UBR1: variants seen among roughly 807,000 people sequenced by gnomAD.
UBR1 encodes ubiquitin protein ligase E3 component n-recognin 1.
In UBR1, 102 loss-of-function variants were observed where a neutral mutation model predicts 242.1. That is an observed-to-expected ratio of 0.42 (90% CI 0.36 to 0.50). UBR1 has a LOEUF of 0.50. Ranked by LOEUF, UBR1 falls within the 20% of genes least tolerant of loss-of-function variation. The pLI, the probability that UBR1 is intolerant of heterozygous loss-of-function variation, is 0.01. For missense variants in UBR1, 1,772 were observed against 2,101.8 expected (o/e 0.84, Z 3.07); for synonymous variants, 675 against 684.8 (o/e 0.99, Z 0.22).
chr15:43,020,925 A>G (rs2033101777), intron 27 of UBR1, among the ~76,000 whole-genome samples: 1 of 152,134 alleles, frequency 6.6e-6, no homozygotes, highest in Non-Finnish European at 1.5e-5. Flanking sequence ...AATTACCCTG[A>G]TATTTTTGTT....
intron 1 of UBR1, among the ~76,000 whole-genome samples, chr15:43,089,188 T>C (rs186208562): frequency 7.9e-5 from 11 of 138,968 alleles, no homozygotes; most frequent in African/African-American, 3.0e-4. Flanking sequence ...CATGAGATAA[T>C]ACGCCCATTT....
intron 12 of UBR1, among the ~76,000 whole-genome samples, 158 bp from the exon 13 acceptor site, chr15:43,048,649 C>T (rs774088827): frequency 1.1e-4 from 16 of 152,070 alleles, no homozygotes; most frequent in Non-Finnish European, 1.6e-4. Flanking sequence ...TTTATTCTGC[C>T]TTATTTTAAA....
intron 12 of UBR1, among the ~76,000 whole-genome samples, chr15:43,048,830 C>T (rs962599621): frequency 1.3e-5 from 2 of 152,178 alleles, no homozygotes; most frequent in African/African-American, 4.8e-5. Context: ...TGTTCACACC[C>T]ATCAGCCAAA....
intron 42 of UBR1, among the ~76,000 whole-genome samples, chr15:42,963,168 G>A (rs1375200545): frequency 1.3e-5 from 2 of 152,052 alleles, no homozygotes; most frequent in Non-Finnish European, 2.9e-5. Context: ...TATTTCGAGA[G>A]AAATGAGGAA....
At chr15:42,974,543 T>C (rs1247315511) in intron 39 of UBR1, among the ~76,000 whole-genome samples, 1 of 152,228 alleles carries the variant, frequency 6.6e-6, no homozygotes, top group Non-Finnish European at 1.5e-5. Context: ...GAGCTGGCTA[T>C]TCTAGGACTT....
At chr15:43,012,206 G>A (rs1385030063) in intron 29 of UBR1, among the ~76,000 whole-genome samples, 9 of 148,446 alleles carry the variant, frequency 6.1e-5, no homozygotes, top group Non-Finnish European at 1.3e-4. Context: ...CAGCCTGGGC[G>A]ACAGAGTGAG....
At chr15:43,001,022 T>C (rs908142872) in intron 32 of UBR1, among the ~76,000 whole-genome samples, 1 of 152,072 alleles carries the variant, frequency 6.6e-6, no homozygotes, top group African/African-American at 2.4e-5. Context: ...TTAGTAGAGA[T>C]GGGTTTTTGC....
chr15:42,954,283 T>G (rs1669494661), intron 44 of UBR1, among the ~76,000 whole-genome samples: 1 of 152,170 alleles, frequency 6.6e-6, no homozygotes, highest in South Asian at 2.1e-4. Context: ...AATTTAGAGA[T>G]GGATGCAATC....
intron 23 of UBR1, chr15:43,025,841 C>T (rs940001245): frequency 5.8e-6 from 1 of 172,644 alleles, no homozygotes; most frequent in African/African-American, 2.4e-5. Flanking sequence ...ACATAGTATT[C>T]TTGCCAAAAA....
At chr15:43,033,601 C>A (rs2033287383) in intron 19 of UBR1, among the ~76,000 whole-genome samples, 1 of 152,122 alleles carries the variant, frequency 6.6e-6, no homozygotes, top group Non-Finnish European at 1.5e-5. Flanking sequence ...TTGCAGTGAG[C>A]CAAGATCGAG....
intron 14 of UBR1, 29 bp from the exon 15 acceptor site, chr15:43,043,424 G>T: frequency 6.2e-7 from 1 of 1,610,700 alleles, no homozygotes; most frequent in South Asian, 1.1e-5. Context: ...ACAAAAAGTT[G>T]ACAAGTTTTC....
intron 27 of UBR1, among the ~76,000 whole-genome samples, chr15:43,018,840 T>C (rs1418757301): frequency 1.3e-5 from 2 of 152,234 alleles, no homozygotes; most frequent in African/African-American, 2.4e-5. Flanking sequence ...ATTTTGATAA[T>C]AAAATTTAGT....
In UBR1 at chr15:42,983,949, C is replaced by T; in HGVS notation, c.4098G>A (p.Arg1366=). Residue 1366 remains arginine, a synonymous_variant, in exon 37 of 47, where the codon AGG becomes AGA. Transcript: ENST00000290650. ...GTATCAGGACCTGAGGACAGGTAAT[C>T]CTCTGTGCAACTGCAAACTGCATTA... is the stretch of plus-strand genomic sequence containing the variant. ...KALMQFAVAQ[R]ITCPQVLIQK... is the part of the protein sequence containing the mutation. 1 of 1,613,206 alleles carries T rather than the reference C, an allele frequency of 6.2e-7. No homozygotes were observed. Among genetic ancestry groups the T allele is most frequent in the Non-Finnish European group, 8.5e-7 (1 of 1,179,612 alleles).
intron 4 of UBR1, among the ~76,000 whole-genome samples, chr15:43,072,423 T>C (rs2033834277): frequency 1.3e-5 from 2 of 152,214 alleles, no homozygotes; most frequent in Admixed American, 1.3e-4. Context: ...TATTTTATGG[T>C]TGTAACTGAT....
chr15:42,956,383 G>A (rs1400250527), intron 44 of UBR1, among the ~76,000 whole-genome samples: 1 of 152,092 alleles, frequency 6.6e-6, no homozygotes, highest in Admixed American at 6.5e-5. Context: ...GCAGTGGCAC[G>A]ATCTCGGCTC....
intron 45 of UBR1, among the ~76,000 whole-genome samples, chr15:42,951,523 A>G (rs1205665108): frequency 6.6e-6 from 1 of 152,134 alleles, no homozygotes; most frequent in Non-Finnish European, 1.5e-5. Flanking sequence ...GCGCCCGGCC[A>G]TAAGTGACTA....
At chr15:43,077,280 G>A (rs1480093422) in intron 3 of UBR1, among the ~76,000 whole-genome samples, 1 of 151,914 alleles carries the variant, frequency 6.6e-6, no homozygotes, top group Non-Finnish European at 1.5e-5. Flanking sequence ...AGTAGACATG[G>A]GAGACTTTTC....
At chr15:43,018,976 T>C (rs1011978824) in intron 27 of UBR1, among the ~76,000 whole-genome samples, 2 of 152,226 alleles carry the variant, frequency 1.3e-5, no homozygotes, top group Non-Finnish European at 2.9e-5. Flanking sequence ...TTTCGTTTGA[T>C]TTTATAATCT....
chr15:42,964,780 T>C (rs2032078364), intron 41 of UBR1, among the ~76,000 whole-genome samples: 1 of 152,186 alleles, frequency 6.6e-6, no homozygotes, highest in South Asian at 2.1e-4. Context: ...ACTTCTTCTA[T>C]TTAGGAATAT....
Sources: allele counts gnomAD v4.1 joint callset (sites outside exome capture counted in the v4.1 genomes callset), GRCh38; gene constraint gnomAD v4.1.1; transcripts MANE v1.5; gene names NCBI Gene and HGNC (gene_info 2026-07-23, HGNC 2026-07-21).